Variants in BBS4 observed in about 807,000 individuals in gnomAD.
BBS4 encodes the protein BBSome complex member BBS4.
BBS4 carries 58 observed loss-of-function variants against 71.4 expected under a neutral mutation model. The observed-to-expected ratio is 0.81, with a 90% CI of 0.66 to 1.01. The LOEUF is 1.01. Among genes scored for constraint, BBS4 ranks in the 50% least tolerant of loss-of-function variants. The pLI is 0.00. For missense variants in BBS4, 660 were observed against 607.9 expected, an observed-to-expected ratio of 1.09 and a Z score of -0.90; for synonymous variants, 228 against 216.8, an observed-to-expected ratio of 1.05 and a Z score of -0.46.
chr15:72,722,829 C>T lies in BBS4; in HGVS notation c.441C>T (p.Tyr147=). 6.2e-7 allele frequency: 1 copy of T among 1,613,544 alleles called. No homozygotes were observed. The highest frequency in any genetic ancestry group is 8.5e-7 in the Non-Finnish European group (1 of 1,179,744). Residue 147 remains tyrosine, a synonymous_variant, in exon 7 of 16, where the codon TAC becomes TAT. Coordinates refer to ENST00000268057, the MANE Select transcript of BBS4 (RefSeq NM_033028.5). ...ATAACCTAGGAGTTTGCTACATATA[C>T]CTGAAGCAGTTCAACAAGGTAATTT... The part of the protein sequence containing the change: ...ISHNLGVCYI[Y]LKQFNKAQDQ...
intron 5 of BBS4, 142 bp downstream of exon 5, chr15:72,715,544 T>C: frequency 1.4e-6 from 1 of 701,602 alleles, no homozygotes; most frequent in Non-Finnish European, 2.6e-6. Flanking sequence ...TGGGATTCAC[T>C]CTGAAGAGCA....
rs750440203 is a variant in BBS4 at position 72,686,318 on chromosome 15, C to T, written c.24+67C>T. ...AGGCAAGCTGGCGGGTGGCTTTTGT[C>T]CCATGCAGCGGTTCCTGGAGAGAGG... is the stretch of plus-strand genomic sequence containing the variant. On this transcript the variant is annotated intron_variant, in intron 1 of 15. Transcript: ENST00000268057. 4.5e-6 allele frequency: 7 copies of T among 1,548,726 alleles called. No individual in the cohort carries two copies. In the African/African-American group the frequency reaches 5.5e-5, roughly 12 times the overall value.
At chr15:72,695,550 G>A (rs1474837112) in intron 2 of BBS4, among the ~76,000 whole-genome samples, 2 of 152,222 alleles carry the variant, frequency 1.3e-5, no homozygotes, top group East Asian at 1.9e-4. Flanking sequence ...GCCTCCCAAA[G>A]TGTTGGGATT....
intron 12 of BBS4, among the ~76,000 whole-genome samples, chr15:72,734,477 C>T (rs1485030674): frequency 6.6e-6 from 1 of 152,136 alleles, no homozygotes; most frequent in African/African-American, 2.4e-5. Flanking sequence ...GAAAGATATT[C>T]TGGGGTCAGA....
intron 2 of BBS4, among the ~76,000 whole-genome samples, chr15:72,697,040 C>G (rs2065089534): frequency 2.0e-5 from 3 of 152,228 alleles, no homozygotes; most frequent in Admixed American, 2.0e-4. Flanking sequence ...TCAAGTGATT[C>G]TGCTGTCTCA....
At chr15:72,724,982 C>T (rs187761424) in intron 8 of BBS4, among the ~76,000 whole-genome samples, 3 of 150,710 alleles carry the variant, frequency 2.0e-5, no homozygotes, top group Non-Finnish European at 1.5e-5. Flanking sequence ...ACATCCACAT[C>T]CAGGCTGTGG....
chr15:72,693,897 T>C (rs2065029043), intron 1 of BBS4, among the ~76,000 whole-genome samples: 1 of 152,170 alleles, frequency 6.6e-6, no homozygotes, highest in Non-Finnish European at 1.5e-5. Flanking sequence ...TCTTCTTTTT[T>C]TTTTGAAATG....
In BBS4 at chr15:72,735,831, C is replaced by A; in HGVS notation, c.1113C>A (p.Asn371Lys). 6.2e-7 allele frequency: 1 copy of A among 1,614,116 alleles called. No individual in the cohort carries two copies. The highest frequency in any genetic ancestry group is 1.6e-4 in the Middle Eastern group (1 of 6,062). The change falls in exon 14 of 16, where the codon AAC becomes AAA. Residue 371 changes from asparagine (N) to lysine (K), a missense_variant. By Grantham distance (94) the Asn-to-Lys change is moderately conservative. Coordinates refer to ENST00000268057, the MANE Select transcript of BBS4 (RefSeq NM_033028.5). ...GAATCTCTGTCTGCCACAGGTGTAA[C>A]CCTTTAGTAAACCTGAACTATGCTG... is the stretch of plus-strand genomic sequence containing the variant. ...YAEAVHLDKC[N>K]PLVNLNYAVL...
rs530577187 is a variant in BBS4, at chr15:72,704,849, C to T, written c.77-4851C>T. On this transcript the variant is annotated intron_variant, in intron 2 of 15. Transcript: ENST00000268057. Reference sequence around the variant, plus strand: ...GAGCTAAGATCGCGCCACTGCACTCCGGCCTTTATGACAGAACTCGACTCC... The same window carrying T: ...GAGCTAAGATCGCGCCACTGCACTCTGGCCTTTATGACAGAACTCGACTCC... 2.0e-5 allele frequency among the ~76,000 whole-genome samples: 3 copies of T among 147,814 alleles called. No individual in the cohort carries two copies. The East Asian group carries it at 7.4e-4, about 37-fold the overall frequency.
At chr15:72,694,245 C>T (rs2065036936) in intron 1 of BBS4, among the ~76,000 whole-genome samples, 2 of 148,408 alleles carry the variant, frequency 1.3e-5, no homozygotes, top group African/African-American at 2.5e-5. Context: ...GGCCGGGGGG[C>T]GATGGTACGA....
intron 12 of BBS4, among the ~76,000 whole-genome samples, chr15:72,732,007 T>G (rs943244132): frequency 2.0e-5 from 3 of 152,212 alleles, no homozygotes; most frequent in African/African-American, 7.2e-5. Flanking sequence ...GACAATTCAT[T>G]TATGTATATA....
At chr15:72,728,969 C>T (rs968003238) in intron 9 of BBS4, among the ~76,000 whole-genome samples, 1 of 152,058 alleles carries the variant, frequency 6.6e-6, no homozygotes, top group Non-Finnish European at 1.5e-5. Context: ...GAGGTTGGCT[C>T]CACGGGAGAT....
chr15:72,735,688 C>G (rs563264994), intron 13 of BBS4, 137 bp from the exon 14 acceptor site: 5 of 1,088,332 alleles, frequency 4.6e-6, no homozygotes, highest in Non-Finnish European at 7.0e-6. Context: ...CTGCTTAGCA[C>G]GTATGTACCT....
chr15:72,731,283 T>C (rs1354012066), intron 10 of BBS4, 22 bp from the exon 11 acceptor site: 1 of 1,613,996 alleles, frequency 6.2e-7, no homozygotes, highest in East Asian at 2.2e-5. Flanking sequence ...ACTGAATGAC[T>C]TTCTCTGTGC....
At chr15:72,696,897 A>G (rs2065086834) in intron 2 of BBS4, among the ~76,000 whole-genome samples, 1 of 150,734 alleles carries the variant, frequency 6.6e-6, no homozygotes, top group African/African-American at 2.4e-5. Context: ...GGGTTATGTA[A>G]ATTTTTCAGT....
chr15:72,726,561 A>G (rs747489211), intron 8 of BBS4, among the ~76,000 whole-genome samples: 6 of 152,162 alleles, frequency 3.9e-5, no homozygotes, highest in Non-Finnish European at 7.3e-5. Flanking sequence ...TTAATTTGTT[A>G]ATCATCTTTG....
chr15:72,716,816 A>C lies in BBS4; in HGVS notation c.371A>C (p.Tyr124Ser). 1 of 1,610,922 alleles carries C rather than the reference A, an allele frequency of 6.2e-7. No homozygotes were observed. Among genetic ancestry groups the C allele is most frequent in the Non-Finnish European group, 8.5e-7 (1 of 1,178,542 alleles). The change falls in exon 6 of 16, where the codon TAT becomes TCT. Residue 124 changes from tyrosine to serine, a missense_variant. Coordinates refer to ENST00000268057, the MANE Select transcript of BBS4 (RefSeq NM_033028.5). ...AAACATAAAGCTGCCATTGAAGTAT[A>C]TAATGAAGCAGCTAAACTCAACCAG... ...LGKHKAAIEV[Y>S]NEAAKLNQKD...
Position 72,695,195 on chromosome 15 carries a change from TCTA to T in BBS4, c.46_48del (p.Thr16del), listed in dbSNP as rs1260734059. ...ATTTCAGAGAACTCAATTTCCTGTA[TCTA>T]CTGAGTCTCAAAAACCCCGGCAGAA... On this transcript the variant is annotated inframe_deletion, in exon 2 of 16. Transcript: ENST00000268057. 6.2e-7 allele frequency: 1 copy of T among 1,606,870 alleles called. No homozygotes were observed. The highest frequency in any genetic ancestry group is 1.1e-5 in the South Asian group (1 of 90,864).
At chr15:72,707,145 T>TCC (rs1181243956) in intron 2 of BBS4, among the ~76,000 whole-genome samples, 2 of 151,654 alleles carry the variant, frequency 1.3e-5, no homozygotes, top group South Asian at 2.1e-4. Context: ...TTTCCTCTCT[T>TCC]CCCCATGCTC....
Sources: allele counts gnomAD v4.1 joint callset (sites outside exome capture counted in the v4.1 genomes callset), GRCh38; gene constraint gnomAD v4.1.1; transcripts MANE v1.5; gene names NCBI Gene and HGNC (gene_info 2026-07-23, HGNC 2026-07-21).